EIF2AK4: variants seen among roughly 807,000 people sequenced by gnomAD.
The protein encoded by EIF2AK4 is eIF-2-alpha kinase GCN2.
EIF2AK4 carries 139 observed loss-of-function variants against 211.1 expected under a neutral mutation model. The ratio of observed to expected loss-of-function variants is 0.66; its 90% CI spans 0.57 to 0.76. The LOEUF (loss-of-function observed/expected upper bound fraction) is 0.76. Among genes scored for constraint, EIF2AK4 ranks in the 30% least tolerant of loss-of-function variants. The pLI is 0.00. For missense variants in EIF2AK4, 1,664 were observed against 2,043.8 expected, an observed-to-expected ratio of 0.81 and a Z score of 3.58; for synonymous variants, 710 against 751.3, an observed-to-expected ratio of 0.94 and a Z score of 0.90.
rs774026839 is a variant in EIF2AK4, at chr15:40,007,999, C to T, written c.3408-28C>T. 1.0e-5 allele frequency: 15 copies of T among 1,479,686 alleles called. No homozygotes were observed. The East Asian group carries it at 3.5e-4, about 35-fold the overall frequency. The allele number at this position is 1,479,686 out of a possible 1,614,324, so 91.7% of individuals were successfully genotyped here. A position where few individuals can be genotyped will look rare whatever the true frequency, so the allele number is the denominator to read the frequency against. On this transcript the variant is annotated intron_variant, in intron 24 of 38. Transcript: ENST00000263791. Reference sequence around the variant, plus strand: ...CATATTTCTTTCTAGTAAGCAATGACCTTAGAAATCTGGGTTTCTCTCTCC... The same window carrying T: ...CATATTTCTTTCTAGTAAGCAATGATCTTAGAAATCTGGGTTTCTCTCTCC...
chr15:39,976,903 T>TA, intron 12 of EIF2AK4, 59 bp downstream of exon 12: 5 of 1,412,418 alleles, frequency 3.5e-6, no homozygotes, highest in Non-Finnish European at 4.6e-6. Flanking sequence ...CTTTCTTTAT[T>TA]TTTTTTTCCT....
intron 33 of EIF2AK4, among the ~76,000 whole-genome samples, chr15:40,027,845 C>A (rs4924408): frequency 0.11 from 16,138 of 150,696 alleles, 1,773 homozygotes; most frequent in East Asian, 0.36. Flanking sequence ...GAGTGGAGAT[C>A]GTGGACTGCA....
chr15:40,016,216 T>C lies in EIF2AK4; in HGVS notation c.3760-286T>C, dbSNP rs544680389. On this transcript the variant is annotated intron_variant, in intron 27 of 38. Coordinates refer to ENST00000263791, the MANE Select transcript of EIF2AK4 (RefSeq NM_001013703.4). ...TGAAAATAGATAATGGAAGCTCTGC[T>C]AGTGCCAGGGTCTGCTTTGCTGGGG... 3.3e-5 allele frequency among the ~76,000 whole-genome samples: 5 copies of C among 152,354 alleles called. No homozygotes were observed. In the South Asian group the frequency reaches 1.0e-3, roughly 32 times the overall value.
At chr15:39,986,075 C>T (rs2034861185) in intron 14 of EIF2AK4, among the ~76,000 whole-genome samples, 187 bp downstream of exon 14, 1 of 152,204 alleles carries the variant, frequency 6.6e-6, no homozygotes, top group Non-Finnish European at 1.5e-5. Flanking sequence ...TTTCCTGCCA[C>T]ATATCAGGAG....
At chr15:39,969,353 A>ATT (rs2034589358) in intron 9 of EIF2AK4, among the ~76,000 whole-genome samples, 2 of 109,414 alleles carry the variant, frequency 1.8e-5, no homozygotes, top group Non-Finnish European at 1.8e-5. Flanking sequence ...ACAATTTCTT[A>ATT]TTCTTTTTTT....
intron 37 of EIF2AK4, 105 bp from the exon 38 acceptor site, chr15:40,034,221 A>T: frequency 1.2e-6 from 1 of 821,524 alleles, no homozygotes; most frequent in Non-Finnish European, 2.0e-6. Flanking sequence ...TTCTCCTGGT[A>T]TACTTGAAGA....
Position 39,955,710 on chromosome 15 carries a change from G to C in EIF2AK4, c.685G>C (p.Gly229Arg), listed in dbSNP as rs903787879. The C allele has an allele frequency of 6.2e-7, 1 of 1,612,994 alleles. No homozygotes were observed. Among genetic ancestry groups the C allele is most frequent in the African/African-American group, 1.3e-5 (1 of 74,836 alleles). ...GHRTAAILHGGSPDFVGNGKH... is the reference protein window; with the variant it reads ...GHRTAAILHGRSPDFVGNGKH... ...CAGAACGGCTGCCATTCTACATGGA[G>C]GCTCTCCTGACTTTGTAGGAAATGG... is the stretch of plus-strand genomic sequence containing the variant. Residue 229 changes from glycine (G) to arginine (R), a missense_variant, in exon 6 of 39, where the codon GGC becomes CGC. Gly to Arg is a moderately radical substitution (Grantham distance 125). Transcript: ENST00000263791.
chr15:40,015,434 C>T (rs1037098466), intron 27 of EIF2AK4, among the ~76,000 whole-genome samples: 1 of 152,176 alleles, frequency 6.6e-6, no homozygotes, highest in African/African-American at 2.4e-5. Context: ...AGAGAGAGAA[C>T]TTGTGCAGGG....
rs371500981 is a variant in EIF2AK4, at chr15:39,961,811, T to C, written c.771T>C (p.Asn257=). ...SRRERQYSVC[N]SEDSPGSCEI... ...GAGAACGTCAGTATTCTGTATGTAA[T>C]AGTGAAGATTCTCCTGGCTCTTGTG... Residue 257 remains asparagine (N), a synonymous_variant, in exon 7 of 39, where the codon AAT becomes AAC. Coordinates refer to ENST00000263791, the MANE Select transcript of EIF2AK4 (RefSeq NM_001013703.4). 1.9e-6 allele frequency: 3 copies of C among 1,613,974 alleles called. No individual in the cohort carries two copies. Among genetic ancestry groups the C allele is most frequent in the South Asian group, 1.1e-5 (1 of 91,090 alleles).
Position 39,972,946 on chromosome 15 carries a change from A to G in EIF2AK4, c.1592A>G (p.Gln531Arg), listed in dbSNP as rs762986387. 6 of 1,613,890 alleles carry G rather than the reference A, an allele frequency of 3.7e-6. No individual in the cohort carries two copies. The highest frequency in any genetic ancestry group is 3.4e-6 in the Non-Finnish European group (4 of 1,180,018). ...GATGACAAGGAAAGATGGAGTCCCC[A>G]GCAGTTGTTGAAACACAGCTTTATA... ...CLDDKERWSP[Q>R]QLLKHSFINP... The change falls in exon 10 of 39, where the codon CAG becomes CGG. Residue 531 changes from glutamine (Q) to arginine (R), a missense_variant. Physicochemically the swap from Gln to Arg is conservative, Grantham distance 43 (BLOSUM62 1). Coordinates refer to ENST00000263791, the MANE Select transcript of EIF2AK4 (RefSeq NM_001013703.4).
chr15:39,953,481 A>G (rs910612978), intron 4 of EIF2AK4, among the ~76,000 whole-genome samples: 2 of 152,210 alleles, frequency 1.3e-5, no homozygotes, highest in Non-Finnish European at 2.9e-5. Context: ...GCAGGCACTG[A>G]GGCTTGCTCA....
At chr15:40,004,717 A>T (rs568477544) in intron 23 of EIF2AK4, among the ~76,000 whole-genome samples, 2 of 152,162 alleles carry the variant, frequency 1.3e-5, no homozygotes, top group East Asian at 3.9e-4. Context: ...TCAAAAAGAA[A>T]ATTTAAAAAT....
At chr15:39,938,378 T>C (rs1381241781) in intron 1 of EIF2AK4, among the ~76,000 whole-genome samples, 1 of 152,230 alleles carries the variant, frequency 6.6e-6, no homozygotes, top group Non-Finnish European at 1.5e-5. Flanking sequence ...CAAGGATTAT[T>C]ATAAAGCCAT....
intron 35 of EIF2AK4, among the ~76,000 whole-genome samples, chr15:40,031,721 A>G (rs1349746539): frequency 6.6e-6 from 1 of 150,938 alleles, no homozygotes; most frequent in Non-Finnish European, 1.5e-5. Context: ...GTGGATTAAG[A>G]GCAAATCTTC....
At chr15:39,973,091 T>C (rs2140916421) in intron 10 of EIF2AK4, 77 bp downstream of exon 10, 1 of 1,158,356 alleles carries the variant, frequency 8.6e-7, no homozygotes, top group East Asian at 2.4e-5. Flanking sequence ...AACCAAAAAC[T>C]GGAAGGGGCT....
intron 23 of EIF2AK4, among the ~76,000 whole-genome samples, chr15:40,004,993 A>G (rs1237609726): frequency 6.6e-6 from 1 of 152,254 alleles, no homozygotes; most frequent in African/African-American, 2.4e-5. Context: ...CTCAGAAAAA[A>G]AAATTCCAAC....
rs1043692269 is a variant in EIF2AK4, at chr15:40,003,312, C to T, written c.3355C>T (p.Arg1119Trp). The T allele has an allele frequency of 7.4e-6, 12 of 1,613,840 alleles. No homozygotes were observed. Among genetic ancestry groups the T allele is most frequent in the Admixed American group, 1.7e-5 (1 of 59,994 alleles). The change falls in exon 23 of 39, where the codon CGG becomes TGG. Residue 1119 changes from arginine (R) to tryptophan (W), a missense_variant and splice_region_variant. Physicochemically the swap from Arg to Trp is moderately radical, Grantham distance 101 (BLOSUM62 -3). Coordinates refer to ENST00000263791, the MANE Select transcript of EIF2AK4 (RefSeq NM_001013703.4). ...GCTGGTGATGCTTCCTTTTGACCTGCGGGTGAGGCTGGGAACACACTGCTG... is the reference window on the plus strand; with the variant it reads ...GCTGGTGATGCTTCCTTTTGACCTGTGGGTGAGGCTGGGAACACACTGCTG... Reference protein sequence around the residue: ...GMLVMLPFDLRIPFARYVARN... With the variant: ...GMLVMLPFDLWIPFARYVARN...
chr15:39,954,291 C>T (rs1007001343), intron 5 of EIF2AK4, among the ~76,000 whole-genome samples: 13 of 152,294 alleles, frequency 8.5e-5, no homozygotes, highest in Middle Eastern at 3.4e-3. Context: ...CTCATTCTGT[C>T]GCCCAGGCTG....
intron 9 of EIF2AK4, among the ~76,000 whole-genome samples, chr15:39,972,581 G>A (rs1017740060): frequency 1.3e-5 from 2 of 152,066 alleles, no homozygotes; most frequent in South Asian, 4.2e-4. Flanking sequence ...GGCATGACAA[G>A]GCATTAAACT....
Sources: gnomAD v4.1 joint callset for allele counts (sites outside exome capture counted in the v4.1 genomes callset) on GRCh38, gnomAD v4.1.1 for gene constraint, MANE v1.5 for transcripts, NCBI Gene and HGNC (gene_info 2026-07-23, HGNC 2026-07-21) for gene names.